NFATC3: variants seen among roughly 807,000 people sequenced by gnomAD.
The protein encoded by NFATC3 is nuclear factor of activated T-cells, cytoplasmic 3.
Under a neutral mutation model 98.6 loss-of-function variants are expected in NFATC3, and 46 were observed. The ratio of observed to expected loss-of-function variants is 0.47; its 90% CI spans 0.37 to 0.60. The LOEUF (loss-of-function observed/expected upper bound fraction) is 0.60. Among genes scored for constraint, NFATC3 ranks in the 20% least tolerant of loss-of-function variants. NFATC3 has a pLI of 0.00. For missense variants in NFATC3, 1,256 were observed against 1,295.5 expected, an observed-to-expected ratio of 0.97 and a Z score of 0.47; for synonymous variants, 512 against 472.2, an observed-to-expected ratio of 1.08 and a Z score of -1.09.
rs758076049 is a variant in NFATC3 at position 68,174,431 on chromosome 16, C to T, written c.1832C>T (p.Ser611Phe). ...HIEKYSINSC[S>F]VNGGHEMVVT... ...GAGAAGTACAGTATCAACAGTTGTT[C>T]TGTAAATGGAGGTCATGAAATGGTT... Residue 611 changes from serine to phenylalanine, a missense_variant, in exon 6 of 10, where the codon TCT becomes TTT. Around this residue, in one of 3 missense-constraint regions of NFATC3, gnomAD observed 636 missense variants for 617.3 expected, o/e 1.03. Transcript: ENST00000346183. 3 of 1,605,762 alleles carry T rather than the reference C, an allele frequency of 1.9e-6. No homozygotes were observed. Among genetic ancestry groups the T allele is most frequent in the Middle Eastern group, 1.6e-4 (1 of 6,066 alleles).
chr16:68,148,610 C>T (rs2038157186), intron 3 of NFATC3, among the ~76,000 whole-genome samples: 1 of 152,150 alleles, frequency 6.6e-6, no homozygotes, highest in African/African-American at 2.4e-5. Context: ...CATTTTGCAT[C>T]TGAGAACTCT....
chr16:68,109,378 A>G (rs889055169), intron 1 of NFATC3, among the ~76,000 whole-genome samples: 1 of 152,178 alleles, frequency 6.6e-6, no homozygotes, highest in Admixed American at 6.5e-5. Flanking sequence ...GATTACATCT[A>G]TTGATTTGAA....
At chr16:68,087,557 T>C (rs1283656922) in intron 1 of NFATC3, among the ~76,000 whole-genome samples, 3 of 152,102 alleles carry the variant, frequency 2.0e-5, no homozygotes, top group African/African-American at 4.8e-5. Flanking sequence ...TTTTTTAATA[T>C]TAAGGCAAAA....
chr16:68,209,975 G>T (rs1301459809), intron 9 of NFATC3, among the ~76,000 whole-genome samples: 1 of 134,364 alleles, frequency 7.4e-6, no homozygotes, highest in East Asian at 2.0e-4. Flanking sequence ...AGACCAGCCT[G>T]GGCAACATGA....
At chr16:68,218,475 C>T (rs2041720457) in intron 9 of NFATC3, among the ~76,000 whole-genome samples, 1 of 143,312 alleles carries the variant, frequency 7.0e-6, no homozygotes, top group Admixed American at 6.9e-5. Flanking sequence ...CAAGATCGTG[C>T]CACTGCACTC....
rs547798639 is a variant in NFATC3, at chr16:68,152,222, A to C, written c.1402-5647A>C. The stretch of plus-strand genomic sequence containing the variant: ...TACTAAAGATACCAAAAAAAAAAAA[A>C]AAAAAAATTAGCTGGGCATGGTAGT... On this transcript the variant is annotated intron_variant, in intron 3 of 9. Transcript: ENST00000346183. Among the ~76,000 whole-genome samples the C allele has an allele frequency of 1.6e-3, 245 of 150,852 alleles. 2 individuals are homozygous for C. The highest frequency in any genetic ancestry group is 5.7e-3 in the African/African-American group (234 of 41,106).
chr16:68,120,114 CA>C (rs536178978), intron 1 of NFATC3, among the ~76,000 whole-genome samples: 1,312 of 57,940 alleles, frequency 0.023, 15 homozygotes, highest in African/African-American at 0.066. Context: ...CCTGTCTCTA[CA>C]AAAAAAAAAA....
chr16:68,178,892 A>G (rs1008665007), intron 6 of NFATC3, among the ~76,000 whole-genome samples: 1 of 152,162 alleles, frequency 6.6e-6, no homozygotes, highest in Admixed American at 6.5e-5. Flanking sequence ...GCAGTTGTAA[A>G]CATGTAACTC....
intron 1 of NFATC3, among the ~76,000 whole-genome samples, chr16:68,112,892 G>A (rs1035864729): frequency 6.6e-6 from 1 of 151,826 alleles, no homozygotes; most frequent in African/African-American, 2.4e-5. Flanking sequence ...GTTGATACTT[G>A]TGGTTGTATT....
chr16:68,228,489 A>T lies in NFATC3; in HGVS notation c.*2018A>T, dbSNP rs2042077955. 1 of 152,612 alleles carries T rather than the reference A, an allele frequency of 6.6e-6. No individual in the cohort carries two copies. Among genetic ancestry groups the T allele is most frequent in the South Asian group, 2.1e-4 (1 of 4,828 alleles). 9.5% of individuals were successfully genotyped at this position (152,612 alleles called of 1,614,324 possible). A position where few individuals can be genotyped will look rare whatever the true frequency, so the allele number is the denominator to read the frequency against. Reference sequence around the variant, plus strand: ...AGAATTAAAAGCCTCTATGATCCAGAGTTGCTATGCACCAAATTTTGATGC... The same window carrying T: ...AGAATTAAAAGCCTCTATGATCCAGTGTTGCTATGCACCAAATTTTGATGC... On this transcript the variant is annotated 3_prime_UTR_variant, in exon 10 of 10. Coordinates refer to ENST00000346183, the MANE Select transcript of NFATC3 (RefSeq NM_173165.3).
intron 3 of NFATC3, among the ~76,000 whole-genome samples, chr16:68,128,644 T>TA (rs1192955832): frequency 1.3e-4 from 19 of 151,912 alleles, no homozygotes; most frequent in African/African-American, 4.3e-4. Flanking sequence ...TTTAAAAGAT[T>TA]AAAAAAACAA....
chr16:68,171,660 A>G (rs1280413636), intron 5 of NFATC3, among the ~76,000 whole-genome samples: 1 of 152,090 alleles, frequency 6.6e-6, no homozygotes, highest in African/African-American at 2.4e-5. Flanking sequence ...TTTTAAATAA[A>G]GATGGGGTTT....
At chr16:68,150,412 TAAAAA>T (rs60606928) in intron 3 of NFATC3, among the ~76,000 whole-genome samples, 6,187 of 80,962 alleles carry the variant, frequency 0.076, 413 homozygotes, top group African/African-American at 0.22. Flanking sequence ...CTTCTATATC[TAAAAA>T]AAAAAAAAAA....
intron 9 of NFATC3, chr16:68,225,017 A>T (rs1395189637): frequency 1.3e-5 from 2 of 152,076 alleles, no homozygotes; most frequent in East Asian, 3.9e-4. Context: ...GCATGGTGCA[A>T]TCTCGGCTCA....
chr16:68,118,565 A>G (rs2036410805), intron 1 of NFATC3, among the ~76,000 whole-genome samples: 2 of 151,814 alleles, frequency 1.3e-5, no homozygotes, highest in South Asian at 4.2e-4. Context: ...CTAATCCTAA[A>G]CTTTGGAGTT....
intron 1 of NFATC3, among the ~76,000 whole-genome samples, chr16:68,114,444 A>AGTT (rs2036157319): frequency 6.6e-6 from 1 of 152,118 alleles, no homozygotes; most frequent in Non-Finnish European, 1.5e-5. Flanking sequence ...TTTTTCTTGA[A>AGTT]GTTGTTTCTT....
intron 3 of NFATC3, among the ~76,000 whole-genome samples, chr16:68,136,341 C>T (rs1374057741): frequency 1.3e-5 from 2 of 151,956 alleles, no homozygotes; most frequent in Admixed American, 6.6e-5. Context: ...AATGTCAGCT[C>T]GCTGCAACCT....
intron 8 of NFATC3, among the ~76,000 whole-genome samples, chr16:68,184,635 C>G (rs1291597789): frequency 6.6e-6 from 1 of 151,956 alleles, no homozygotes; most frequent in Non-Finnish European, 1.5e-5. Context: ...AACCCCGTCT[C>G]TACTAAAAAA....
chr16:68,120,541 T>C (rs972082096), intron 1 of NFATC3, among the ~76,000 whole-genome samples: 1 of 142,016 alleles, frequency 7.0e-6, no homozygotes, highest in African/African-American at 2.7e-5. Flanking sequence ...ATCGCACCAC[T>C]GCATTCAAGC....
Sources: allele counts gnomAD v4.1 joint callset (sites outside exome capture counted in the v4.1 genomes callset), GRCh38; gene constraint gnomAD v4.1.1; regional missense constraint gnomAD v4.1.1; transcripts MANE v1.5; gene names NCBI Gene and HGNC (gene_info 2026-07-23, HGNC 2026-07-21).